The following SCARB2 variants were observed in gnomAD, a reference collection of about 807,000 sequenced individuals.
SCARB2 encodes the protein lysosome membrane protein 2.
SCARB2 carries 29 observed loss-of-function variants against 58.6 expected under a neutral mutation model. The observed-to-expected ratio is 0.49, with a 90% confidence interval of 0.37 to 0.67. SCARB2 has a LOEUF of 0.67. Ranked by LOEUF, SCARB2 falls within the 30% of genes least tolerant of loss-of-function variation. The pLI, the probability that SCARB2 is intolerant of heterozygous loss-of-function variation, is 0.00. For missense variants in SCARB2, 488 were observed against 578.5 expected, an observed-to-expected ratio of 0.84 and a Z score of 1.60; for synonymous variants, 195 against 210.1, an observed-to-expected ratio of 0.93 and a Z score of 0.62.
intron 1 of SCARB2, among the ~76,000 whole-genome samples, chr4:76,198,477 T>G (rs1225992291): frequency 2.0e-5 from 3 of 152,344 alleles, no homozygotes; most frequent in African/African-American, 7.2e-5. Context: ...ACTTTCAGGA[T>G]AGAAATAAAC....
intron 7 of SCARB2, among the ~76,000 whole-genome samples, chr4:76,172,174 C>T (rs937572056): frequency 1.4e-5 from 2 of 147,868 alleles, no homozygotes; most frequent in Non-Finnish European, 3.0e-5. Flanking sequence ...AACTAGTCTT[C>T]AAGATGAAAA....
In SCARB2 at chr4:76,195,804, C is replaced by G. The variant is rs1287892295; in HGVS notation, c.178G>C (p.Val60Leu). ...TTGAAGAAATAGAACTGAGTATACA[C>G]AGGCAGAGGGGGCTTCTCCCAGGAG... ...FDSWEKPPLP[V>L]YTQFYFFNVT... The change falls in exon 2 of 12, where the codon GTG becomes CTG. Residue 60 changes from valine (V) to leucine (L), a missense_variant. Transcript: ENST00000264896. 6 of 1,613,632 alleles carry G rather than the reference C, an allele frequency of 3.7e-6. No individual in the cohort carries two copies. Among genetic ancestry groups the G allele is most frequent in the Non-Finnish European group, 5.1e-6 (6 of 1,179,606 alleles).
chr4:76,227,838 G>T (rs1326560709), intron 1 of SCARB2, among the ~76,000 whole-genome samples: 1 of 152,136 alleles, frequency 6.6e-6, no homozygotes, highest in African/African-American at 2.4e-5. Context: ...TCTGATATAA[G>T]AATAGCTATT....
rs980832853 is a variant in SCARB2, at chr4:76,160,818, C to G, written c.*895G>C. 6.6e-6 allele frequency: 1 copy of G among 152,088 alleles called. No homozygotes were observed. The highest frequency in any genetic ancestry group is 2.4e-5 in the African/African-American group (1 of 41,390). The allele number at this position is 152,088 out of a possible 1,614,324, so 9.4% of individuals were successfully genotyped here. A position where few individuals can be genotyped will look rare whatever the true frequency, so the allele number is the denominator to read the frequency against. On this transcript the variant is annotated 3_prime_UTR_variant, in exon 12 of 12. Transcript: ENST00000264896. ...TCACTCAATATTAGATTAATTAATA[C>G]AGTAACATATTTGGCAAGGGCGACT...
chr4:76,206,468 T>C (rs1732933561), intron 1 of SCARB2, among the ~76,000 whole-genome samples: 1 of 152,120 alleles, frequency 6.6e-6, no homozygotes, highest in African/African-American at 2.4e-5. Flanking sequence ...ATTTTAAAGG[T>C]ATAAATCATT....
At chr4:76,187,528 A>G (rs528624936) in intron 2 of SCARB2, among the ~76,000 whole-genome samples, 1 of 152,344 alleles carries the variant, frequency 6.6e-6, no homozygotes, top group South Asian at 2.1e-4. Flanking sequence ...AAATATAATC[A>G]TCATTAAAAT....
intron 1 of SCARB2, among the ~76,000 whole-genome samples, chr4:76,196,552 C>G (rs1182129811): frequency 6.6e-6 from 1 of 152,060 alleles, no homozygotes; most frequent in Non-Finnish European, 1.5e-5. Flanking sequence ...TGAAAAGCAC[C>G]ATACACTCCC....
At chr4:76,182,487 T>C (rs1170332804) in intron 2 of SCARB2, among the ~76,000 whole-genome samples, 1 of 152,226 alleles carries the variant, frequency 6.6e-6, no homozygotes, top group African/African-American at 2.4e-5. Context: ...CTAGAAAATC[T>C]TAAAATCTTA....
At chr4:76,227,939 T>C (rs968787637) in intron 1 of SCARB2, among the ~76,000 whole-genome samples, 1 of 152,228 alleles carries the variant, frequency 6.6e-6, no homozygotes, top group Admixed American at 6.5e-5. Flanking sequence ...TAGGTGAGTC[T>C]CTTGAAGACA....
chr4:76,195,409 C>A, intron 2 of SCARB2: 2 of 310,346 alleles, frequency 6.4e-6, no homozygotes, highest in South Asian at 5.4e-5. Context: ...AAGGGGCAAC[C>A]TTAAAAGGGT....
At chr4:76,218,458 C>A (rs1733252637), upstream of SCARB2, among the ~76,000 whole-genome samples, 1 of 152,200 alleles carries the variant, frequency 6.6e-6, no homozygotes, top group Admixed American at 6.5e-5. Context: ...CTGTGCCAGG[C>A]CACAGGGACT....
At chr4:76,181,986 A>C (rs1560711162) in intron 2 of SCARB2, among the ~76,000 whole-genome samples, 1 of 152,190 alleles carries the variant, frequency 6.6e-6, no homozygotes, top group Non-Finnish European at 1.5e-5. Flanking sequence ...GTGATGTAAG[A>C]GGTGCCTAAA....
intron 7 of SCARB2, among the ~76,000 whole-genome samples, chr4:76,171,231 ATGACCTTG>A (rs1732123435): frequency 6.6e-6 from 1 of 152,106 alleles, no homozygotes; most frequent in Admixed American, 6.5e-5. Flanking sequence ...GTGACCTATA[ATGACCTTG>A]AAAATGTATT....
intron 2 of SCARB2, among the ~76,000 whole-genome samples, chr4:76,182,043 C>CCA (rs1732397859): frequency 6.6e-6 from 1 of 151,634 alleles, no homozygotes; most frequent in African/African-American, 2.4e-5. Context: ...TTATTAAAAC[C>CCA]AAAATTTATG....
chr4:76,190,392 T>C (rs893686094), intron 2 of SCARB2, among the ~76,000 whole-genome samples: 20 of 151,872 alleles, frequency 1.3e-4, no homozygotes, highest in Admixed American at 1.0e-3. Flanking sequence ...TTGCACTAAG[T>C]AAGATGTGAA....
At chr4:76,209,275 T>C (rs1472158581) in intron 1 of SCARB2, among the ~76,000 whole-genome samples, 1 of 152,220 alleles carries the variant, frequency 6.6e-6, no homozygotes, top group Non-Finnish European at 1.5e-5. Flanking sequence ...TCAATAAAGA[T>C]GTTTTGCTGA....
At chr4:76,187,428 C>G (rs771911211) in intron 2 of SCARB2, among the ~76,000 whole-genome samples, 17 of 152,174 alleles carry the variant, frequency 1.1e-4, no homozygotes, top group Non-Finnish European at 2.2e-4. Context: ...GGAGAACATT[C>G]AACCCACGAG....
rs574064017 is a variant in SCARB2, at chr4:76,208,864, A to G, written c.117+4563T>C. ...AGCATGAGAGGTGAGGGATGGCCAT[A>G]GAATTTATTGTCCAAAGCAGAAATC... On this transcript the variant is annotated intron_variant, in intron 1 of 11. Transcript: ENST00000264896. 3.9e-5 allele frequency among the ~76,000 whole-genome samples: 6 copies of G among 152,322 alleles called. 1 individual carries two copies. The highest frequency in any genetic ancestry group is 1.4e-4 in the African/African-American group (6 of 41,578).
intron 2 of SCARB2, among the ~76,000 whole-genome samples, chr4:76,185,109 G>C (rs929983904): frequency 7.2e-5 from 11 of 152,218 alleles, no homozygotes; most frequent in African/African-American, 2.7e-4. Flanking sequence ...GAAAGTGTCA[G>C]GGCCAGGTTT....
Sources: gnomAD v4.1 joint callset for allele counts (sites outside exome capture counted in the v4.1 genomes callset) on GRCh38, gnomAD v4.1.1 for gene constraint, MANE v1.5 for transcripts, NCBI Gene and HGNC (gene_info 2026-07-23, HGNC 2026-07-21) for gene names.